The following ZNF83 variants were observed in gnomAD, a reference collection of about 807,000 sequenced individuals.
ZNF83 encodes the protein zinc finger protein 816B.
For missense variants in ZNF83, 552 were observed against 629.9 expected (o/e 0.88, Z 1.32); for synonymous variants, 209 against 213.0 (o/e 0.98, Z 0.17).
chr19:52,666,251 G>A (rs2061651391), intron 1 of ZNF83, among the ~76,000 whole-genome samples: 1 of 151,648 alleles, frequency 6.6e-6, no homozygotes, highest in Non-Finnish European at 1.5e-5. Flanking sequence ...GAGAGAGGGA[G>A]AAAGAGACAG....
exon 3 of ZNF83, chr19:52,613,711 C>T: frequency 7.3e-7 from 1 of 1,362,524 alleles, no homozygotes; most frequent in Non-Finnish European, 9.5e-7. Context: ...AGGTTTCTCT[C>T]CAGTGTGGAT....
At chr19:52,651,626 T>G (rs1331447493) in intron 3 of ZNF83, 1 of 139,596 alleles carries the variant, frequency 7.2e-6, no homozygotes, top group Non-Finnish European at 1.5e-5. Flanking sequence ...GAGGTTGCAG[T>G]GAACCAAGAT....
At chr19:52,680,606 ATT>A (rs556558292) in intron 1 of ZNF83, among the ~76,000 whole-genome samples, 3,576 of 88,630 alleles carry the variant, frequency 0.04, 19 homozygotes, top group African/African-American at 0.09. Flanking sequence ...TCCACAAAAT[ATT>A]TTTTTTTTTT....
upstream of ZNF83, among the ~76,000 whole-genome samples, chr19:52,642,037 G>A (rs1412152295): frequency 6.6e-6 from 1 of 152,094 alleles, no homozygotes; most frequent in Non-Finnish European, 1.5e-5. Context: ...GGGAGTAGAG[G>A]AATAGTCACT....
chr19:52,681,955 C>A (rs547793934), intron 1 of ZNF83, among the ~76,000 whole-genome samples: 2 of 152,184 alleles, frequency 1.3e-5, no homozygotes, highest in South Asian at 2.1e-4. Flanking sequence ...CTAAGCAATT[C>A]TCCTGCCTCA....
At chr19:52,653,294 T>G in intron 3 of ZNF83, 1 of 1,400,264 alleles carries the variant, frequency 7.1e-7, no homozygotes, top group East Asian at 2.4e-5. Flanking sequence ...TTAAAAACCT[T>G]ACCACATTCA....
chr19:52,636,639 C>G lies in ZNF83; in HGVS notation c.-321-1486G>C, dbSNP rs561333065. On this transcript the variant is annotated intron_variant, in intron 1 of 2. Coordinates refer to ENST00000301096, the Ensembl canonical transcript of ZNF83. ...GTATCCAATGAACTCACCCACTCAT[C>G]TAAACCCAAAGTCCTCCGCCCCTTT... 4 of 150,596 alleles carry G rather than the reference C, an allele frequency of 2.7e-5. No homozygotes were observed. The East Asian group carries it at 8.0e-4, about 30-fold the overall frequency. 9.3% of individuals were successfully genotyped at this position (150,596 alleles called of 1,614,324 possible). A position where few individuals can be genotyped will look rare whatever the true frequency, so the allele number is the denominator to read the frequency against.
intron 1 of ZNF83, among the ~76,000 whole-genome samples, chr19:52,670,652 T>G (rs544951007): frequency 6.6e-6 from 1 of 152,180 alleles, no homozygotes; most frequent in East Asian, 1.9e-4. Flanking sequence ...TCATGGCCCA[T>G]GACACAACTC....
At chr19:52,643,106 T>G (rs1363459862), upstream of ZNF83, among the ~76,000 whole-genome samples, 1 of 151,868 alleles carries the variant, frequency 6.6e-6, no homozygotes, top group African/African-American at 2.4e-5. Flanking sequence ...TGAACTTGGG[T>G]GGTGGAGGTT....
rs2062103993 is a variant in ZNF83 at position 52,689,392 on chromosome 19, C to CCT, written c.-283+1050_-283+1051insAG. ...CATTCTCTCTTCCCTGTTATACCCT[C>CCT]ATCCCCACTCTCTAGCACTCCAGAT... is the stretch of plus-strand genomic sequence containing the variant. On this transcript the variant is annotated intron_variant, in intron 1 of 5. Transcript: ENST00000594682. 4.7e-5 allele frequency among the ~76,000 whole-genome samples: 7 copies of CCT among 148,644 alleles called. No homozygotes were observed. In the East Asian group the frequency reaches 7.9e-4, roughly 17 times the overall value.
chr19:52,632,051 G>A (rs71363388), intron 2 of ZNF83, among the ~76,000 whole-genome samples: 25 of 152,170 alleles, frequency 1.6e-4, no homozygotes, highest in Non-Finnish European at 3.4e-4. Flanking sequence ...AGTCTAGGTA[G>A]ATACTTTCAC....
chr19:52,668,037 C>T (rs1409789861), intron 1 of ZNF83, among the ~76,000 whole-genome samples: 8 of 152,172 alleles, frequency 5.3e-5, no homozygotes, highest in Non-Finnish European at 1.2e-4. Flanking sequence ...GATGTCCCCA[C>T]GTTTAAAACA....
At chr19:52,657,575 C>T (rs2061522561) in intron 2 of ZNF83, among the ~76,000 whole-genome samples, 1 of 152,142 alleles carries the variant, frequency 6.6e-6, no homozygotes, top group South Asian at 2.1e-4. Context: ...GGGCCAGGCA[C>T]AGTAGCTCAT....
intron 1 of ZNF83, among the ~76,000 whole-genome samples, chr19:52,669,945 G>A (rs1253274602): frequency 6.6e-6 from 1 of 152,192 alleles, no homozygotes; most frequent in Non-Finnish European, 1.5e-5. Context: ...TGAAGAGAAA[G>A]AGCTGTAAGG....
intron 3 of ZNF83, chr19:52,653,931 G>A (rs1035376637): frequency 8.7e-5 from 95 of 1,087,744 alleles, no homozygotes; most frequent in Non-Finnish European, 1.3e-4. Context: ...GTTCTTCCTG[G>A]ATTTGTGTCA....
intron 1 of ZNF83, among the ~76,000 whole-genome samples, chr19:52,690,194 A>AC (rs1568591352): frequency 2.0e-5 from 3 of 151,604 alleles, no homozygotes; most frequent in African/African-American, 7.3e-5. Context: ...AAAAAAAAAA[A>AC]AAAACAACAA....
intron 1 of ZNF83, among the ~76,000 whole-genome samples, chr19:52,679,836 A>G (rs1447544487): frequency 2.6e-5 from 4 of 152,146 alleles, no homozygotes; most frequent in African/African-American, 9.7e-5. Context: ...CAAGCTATCC[A>G]TGACTGATAG....
chr19:52,625,693 C>T (rs2060711960), intron 2 of ZNF83, among the ~76,000 whole-genome samples: 1 of 152,170 alleles, frequency 6.6e-6, no homozygotes, highest in Non-Finnish European at 1.5e-5. Flanking sequence ...TCCTTGGCTA[C>T]CTTCCCCTTG....
chr19:52,685,183 T>G (rs192988111), intron 1 of ZNF83, among the ~76,000 whole-genome samples: 1 of 152,318 alleles, frequency 6.6e-6, no homozygotes, highest in East Asian at 1.9e-4. Flanking sequence ...GCCAATCATT[T>G]CAGGGGCCAG....
Sources: gnomAD v4.1 joint callset for allele counts (sites outside exome capture counted in the v4.1 genomes callset) on GRCh38, gnomAD v4.1.1 for gene constraint, MANE v1.5 for transcripts, NCBI Gene and HGNC (gene_info 2026-07-23, HGNC 2026-07-21) for gene names.